RORA: variants seen among roughly 807,000 people sequenced by gnomAD.
RORA encodes nuclear receptor ROR-alpha.
Under a neutral mutation model 69.5 loss-of-function variants are expected in RORA, and 7 were observed. That is an observed-to-expected ratio of 0.10 (90% CI 0.06 to 0.19). RORA has a LOEUF of 0.19. RORA is among the 10% of genes least tolerant of loss of function. The probability of loss-of-function intolerance (pLI) is 1.00; values close to 1 mark genes in which losing one functional copy is unlikely to be tolerated. For missense variants in RORA, 457 were observed against 663.0 expected, an observed-to-expected ratio of 0.69 and a Z score of 3.41; for synonymous variants, 261 against 240.8, an observed-to-expected ratio of 1.08 and a Z score of -0.78.
chr15:60,858,624 C>T (rs1396072252), intron 1 of RORA, among the ~76,000 whole-genome samples: 1 of 150,952 alleles, frequency 6.6e-6, no homozygotes, highest in African/African-American at 2.4e-5. Flanking sequence ...GAGGAAAGAA[C>T]CTGGGGAAAT....
chr15:60,621,453 A>C (rs1425404527), intron 2 of RORA, among the ~76,000 whole-genome samples: 2 of 152,096 alleles, frequency 1.3e-5, no homozygotes, highest in Non-Finnish European at 2.9e-5. Context: ...GCAGAGAATT[A>C]TTTCTGCCAG....
chr15:60,908,197 C>A (rs1398929104), intron 1 of RORA, among the ~76,000 whole-genome samples: 2 of 152,188 alleles, frequency 1.3e-5, no homozygotes, highest in Admixed American at 6.5e-5. Context: ...ATTAGCCTGG[C>A]CTTGAGGGGA....
At chr15:61,169,306 C>T (rs930286507) in intron 1 of RORA, among the ~76,000 whole-genome samples, 4 of 151,914 alleles carry the variant, frequency 2.6e-5, no homozygotes, top group Non-Finnish European at 5.9e-5. Flanking sequence ...TCTTTTAAGG[C>T]CCTGGCTTGA....
At chr15:60,549,196 T>C (rs899319313) in intron 2 of RORA, among the ~76,000 whole-genome samples, 5 of 152,226 alleles carry the variant, frequency 3.3e-5, no homozygotes, top group Non-Finnish European at 7.3e-5. Context: ...GAGTTAATGA[T>C]ATAACGTTAA....
At position 61,046,395 on chromosome 15, in the gene RORA, G is replaced by T; in HGVS notation, c.166+182658C>A. ...AATAGTCTCCGCCAGGAGAGGTGGT[G>T]GGGAGACAGCCAGCAGGTTTCTATT... On this transcript the variant is annotated intron_variant, in intron 1 of 10. Coordinates refer to ENST00000335670, the MANE Select transcript of RORA (RefSeq NM_134261.3). 2.0e-5 allele frequency among the ~76,000 whole-genome samples: 3 copies of T among 152,244 alleles called. No homozygotes were observed. In the South Asian group the frequency reaches 6.2e-4, roughly 32 times the overall value.
intron 1 of RORA, among the ~76,000 whole-genome samples, chr15:60,948,751 C>A (rs1028174792): frequency 6.6e-6 from 1 of 152,190 alleles, no homozygotes; most frequent in African/African-American, 2.4e-5. Flanking sequence ...TCTTCCCATC[C>A]CCCACAACAA....
At chr15:60,923,700 C>T (rs944493594) in intron 1 of RORA, among the ~76,000 whole-genome samples, 18 of 152,212 alleles carry the variant, frequency 1.2e-4, no homozygotes, top group Non-Finnish European at 1.9e-4. Context: ...CCTTTCCGAA[C>T]GCTCCACAGC....
chr15:60,775,629 G>A (rs766725458), intron 1 of RORA, among the ~76,000 whole-genome samples: 5 of 151,900 alleles, frequency 3.3e-5, no homozygotes, highest in Non-Finnish European at 5.9e-5. Context: ...CTCAAGGCAC[G>A]AGCACACACA....
chr15:61,139,676 C>A (rs961185304), intron 1 of RORA, among the ~76,000 whole-genome samples: 2 of 152,160 alleles, frequency 1.3e-5, no homozygotes, highest in African/African-American at 4.8e-5. Context: ...AGAGCTTCAG[C>A]GGAACCCCTT....
intron 1 of RORA, among the ~76,000 whole-genome samples, chr15:60,768,803 G>C (rs2140879183): frequency 6.6e-6 from 1 of 152,308 alleles, no homozygotes; most frequent in East Asian, 1.9e-4. Context: ...GGACTGACCA[G>C]GTGGGAGGGA....
intron 1 of RORA, among the ~76,000 whole-genome samples, chr15:60,745,411 T>A (rs370961386): frequency 3.3e-5 from 5 of 152,188 alleles, no homozygotes; most frequent in South Asian, 2.1e-4. Context: ...CAGAAGCAGA[T>A]CTTTTCTTTT....
rs73430845 is a variant in RORA, at chr15:61,095,204, A to G, written c.166+133849T>C. On this transcript the variant is annotated intron_variant, in intron 1 of 10. Coordinates refer to ENST00000335670, the MANE Select transcript of RORA (RefSeq NM_134261.3). ...TTCTGGAGGCTGAGCTGGCTTGCCCAGGGATAAGCTAGAATGCTCAGGTGG... is the reference window on the plus strand; with the variant it reads ...TTCTGGAGGCTGAGCTGGCTTGCCCGGGGATAAGCTAGAATGCTCAGGTGG... 4.1e-3 allele frequency among the ~76,000 whole-genome samples: 617 copies of G among 152,268 alleles called. 7 individuals are homozygous for G. The highest frequency in any genetic ancestry group is 0.014 in the African/African-American group (570 of 41,540).
At chr15:61,107,751 C>T (rs1390532207) in intron 1 of RORA, among the ~76,000 whole-genome samples, 7 of 151,932 alleles carry the variant, frequency 4.6e-5, no homozygotes, top group South Asian at 2.1e-4. Flanking sequence ...TTAGAAAATG[C>T]TTCTTTTTCT....
At chr15:61,155,023 TA>T (rs34780771) in intron 1 of RORA, among the ~76,000 whole-genome samples, 73,031 of 152,042 alleles carry the variant, frequency 0.48, 19,155 homozygotes, top group Non-Finnish European at 0.59. Flanking sequence ...TGTGGAGTTC[TA>T]ATATACAGTA....
At chr15:60,918,058 G>A (rs943588049) in intron 1 of RORA, among the ~76,000 whole-genome samples, 3 of 152,130 alleles carry the variant, frequency 2.0e-5, no homozygotes, top group Admixed American at 1.3e-4. Context: ...TAATCCTTTC[G>A]ACAACCCCAG....
At chr15:61,132,002 T>C (rs2079194017) in intron 1 of RORA, among the ~76,000 whole-genome samples, 1 of 152,236 alleles carries the variant, frequency 6.6e-6, no homozygotes, top group South Asian at 2.1e-4. Flanking sequence ...TGGGGCATTC[T>C]CCATTGCCTC....
intron 1 of RORA, among the ~76,000 whole-genome samples, chr15:60,826,785 CTCTCT>C (rs1254204849): frequency 1.0e-5 from 1 of 98,320 alleles, no homozygotes; most frequent in Non-Finnish European, 2.4e-5. Flanking sequence ...CTCTCTCTCT[CTCTCT>C]TTTTTTTTTA....
intron 1 of RORA, among the ~76,000 whole-genome samples, chr15:61,097,172 T>G (rs2078802848): frequency 6.6e-6 from 1 of 152,078 alleles, no homozygotes; most frequent in African/African-American, 2.4e-5. Context: ...GGAAGCAGGA[T>G]TTGAGCAGGG....
At chr15:61,159,709 C>T (rs1394219858) in intron 1 of RORA, among the ~76,000 whole-genome samples, 1 of 152,176 alleles carries the variant, frequency 6.6e-6, no homozygotes, top group Non-Finnish European at 1.5e-5. Flanking sequence ...AATCACACTG[C>T]ATTTTGAATG....
Sources: allele counts gnomAD v4.1 joint callset (sites outside exome capture counted in the v4.1 genomes callset), GRCh38; gene constraint gnomAD v4.1.1; transcripts MANE v1.5; gene names NCBI Gene and HGNC (gene_info 2026-07-23, HGNC 2026-07-21).